The following RASSF6 variants were observed in gnomAD, a reference collection of about 807,000 sequenced individuals.
RASSF6 encodes the protein ras association domain-containing protein 6.
RASSF6 carries 52 observed loss-of-function variants against 44.0 expected under a neutral mutation model. The ratio of observed to expected loss-of-function variants is 1.18; its 90% CI spans 0.95 to 1.49. The LOEUF is 1.49. RASSF6 is among the 40% of genes most tolerant of loss of function. RASSF6 has a pLI of 0.00. For missense variants in RASSF6, 464 were observed against 393.3 expected, an observed-to-expected ratio of 1.18 and a Z score of -1.52; for synonymous variants, 162 against 124.6, an observed-to-expected ratio of 1.30 and a Z score of -2.00.
At chr4:73,585,838 TTTA>T (rs921384620) in intron 5 of RASSF6, among the ~76,000 whole-genome samples, 3 of 151,538 alleles carry the variant, frequency 2.0e-5, no homozygotes, top group African/African-American at 7.3e-5. Flanking sequence ...TTATTTTTAT[TTTA>T]TTATTATTAT....
At position 73,601,074 on chromosome 4, in the gene RASSF6, C is replaced by T. The variant is rs541139286; in HGVS notation, c.66-2356G>A. ...ATGGAGCCTTACATAATCTTATTCCCTCAGCTTCTGCTTCTGATAAAAGTA... is the reference window on the plus strand; with the variant it reads ...ATGGAGCCTTACATAATCTTATTCCTTCAGCTTCTGCTTCTGATAAAAGTA... On this transcript the variant is annotated intron_variant, in intron 2 of 10. Coordinates refer to ENST00000307439, the MANE Select transcript of RASSF6 (RefSeq NM_177532.5). 2.6e-5 allele frequency among the ~76,000 whole-genome samples: 4 copies of T among 152,332 alleles called. No individual in the cohort carries two copies. The South Asian group carries it at 8.3e-4, about 32-fold the overall frequency.
intron 4 of RASSF6, among the ~76,000 whole-genome samples, chr4:73,591,855 G>A (rs2149378846): frequency 6.6e-6 from 1 of 152,246 alleles, no homozygotes; most frequent in East Asian, 1.9e-4. Context: ...TGGGCACTGG[G>A]ATGAATAAAG....
chr4:73,619,618 G>T (rs1578075194), intron 1 of RASSF6, among the ~76,000 whole-genome samples: 1 of 152,168 alleles, frequency 6.6e-6, no homozygotes, highest in Non-Finnish European at 1.5e-5. Flanking sequence ...ACAGACAAAC[G>T]TTTGGGGCTT....
chr4:73,602,172 G>A (rs1490504344), intron 2 of RASSF6, among the ~76,000 whole-genome samples: 5 of 152,198 alleles, frequency 3.3e-5, no homozygotes, highest in East Asian at 1.9e-4. Flanking sequence ...AATGAGCCCC[G>A]TGAACCATTT....
chr4:73,586,938 G>T (rs966093932), intron 5 of RASSF6, among the ~76,000 whole-genome samples: 2 of 150,506 alleles, frequency 1.3e-5, no homozygotes, highest in Non-Finnish European at 3.0e-5. Context: ...AACAAACATT[G>T]CAAGTTGCTG....
intron 4 of RASSF6, among the ~76,000 whole-genome samples, chr4:73,592,054 G>A (rs770527269): frequency 4.6e-5 from 7 of 152,178 alleles, no homozygotes; most frequent in African/African-American, 1.2e-4. Context: ...CCTCACCTGC[G>A]TCTTAAAGGA....
intron 1 of RASSF6, among the ~76,000 whole-genome samples, chr4:73,619,843 A>T (rs1726585246): frequency 1.3e-5 from 2 of 152,210 alleles, no homozygotes; most frequent in South Asian, 4.2e-4. Flanking sequence ...AACAAATAAA[A>T]GTTGAGCTGA....
chr4:73,577,485 C>T (rs1461001082), intron 8 of RASSF6, among the ~76,000 whole-genome samples: 1 of 152,162 alleles, frequency 6.6e-6, no homozygotes, highest in Non-Finnish European at 1.5e-5. Context: ...TCTCCTTCAC[C>T]TTGCTTACTT....
intron 4 of RASSF6, among the ~76,000 whole-genome samples, chr4:73,588,927 A>G (rs945194225): frequency 3.9e-5 from 6 of 152,086 alleles, no homozygotes; most frequent in Non-Finnish European, 8.8e-5. Context: ...GAATCTCTTC[A>G]GTAATGTCTG....
At chr4:73,604,762 A>G (rs1725512031) in intron 2 of RASSF6, among the ~76,000 whole-genome samples, 1 of 152,224 alleles carries the variant, frequency 6.6e-6, no homozygotes, top group South Asian at 2.1e-4. Flanking sequence ...CAAAATATTA[A>G]AGTTAAACAT....
chr4:73,615,832 CG>C, intron 1 of RASSF6: 2 of 1,372,780 alleles, frequency 1.5e-6, no homozygotes, highest in Non-Finnish European at 2.0e-6. Context: ...AATGCTGGAA[CG>C]TGGTTCACCT....
At chr4:73,586,542 C>T (rs1326820657) in intron 5 of RASSF6, among the ~76,000 whole-genome samples, 2 of 151,796 alleles carry the variant, frequency 1.3e-5, no homozygotes, top group African/African-American at 4.8e-5. Context: ...TTTTCAATTT[C>T]CTCTCCTATG....
At chr4:73,600,962 T>C (rs1725245553) in intron 2 of RASSF6, among the ~76,000 whole-genome samples, 1 of 152,212 alleles carries the variant, frequency 6.6e-6, no homozygotes, top group Admixed American at 6.5e-5. Context: ...AATTTCACCA[T>C]AAAGAAATTT....
chr4:73,584,645 G>T (rs539715924), intron 6 of RASSF6, among the ~76,000 whole-genome samples: 1 of 152,074 alleles, frequency 6.6e-6, no homozygotes, highest in Non-Finnish European at 1.5e-5. Flanking sequence ...AAATGTTCAC[G>T]TTCAAATGTC....
At chr4:73,609,701 G>C (rs542553329) in intron 2 of RASSF6, among the ~76,000 whole-genome samples, 1 of 152,300 alleles carries the variant, frequency 6.6e-6, no homozygotes, top group East Asian at 1.9e-4. Flanking sequence ...CTAGTAAAGA[G>C]AGGGAGCTAA....
Position 73,573,044 on chromosome 4 carries a change from A to ATAAGAAT in RASSF6, c.*3184_*3190dup. On this transcript the variant is annotated 3_prime_UTR_variant, in exon 11 of 11. Coordinates refer to ENST00000307439, the MANE Select transcript of RASSF6 (RefSeq NM_177532.5). The stretch of plus-strand genomic sequence containing the variant: ...TATGTGTATATTCTTATTTAGATAT[A>ATAAGAAT]TAAGAATTTACCCCTGTAATTAAAA... 1 of 152,248 alleles carries ATAAGAAT rather than the reference A, an allele frequency of 6.6e-6. No individual in the cohort carries two copies. The highest frequency in any genetic ancestry group is 2.1e-4 in the South Asian group (1 of 4,828). 9.4% of individuals were successfully genotyped at this position (152,248 alleles called of 1,614,324 possible).
intron 8 of RASSF6, among the ~76,000 whole-genome samples, chr4:73,578,630 T>C (rs573720525): frequency 3.1e-4 from 39 of 124,826 alleles, no homozygotes; most frequent in African/African-American, 1.1e-3. Flanking sequence ...AAACAAATCA[T>C]TTTTTCTCTT....
At chr4:73,596,118 C>T (rs1292705016) in intron 3 of RASSF6, among the ~76,000 whole-genome samples, 1 of 152,146 alleles carries the variant, frequency 6.6e-6, no homozygotes, top group African/African-American at 2.4e-5. Flanking sequence ...CCACTTTGTA[C>T]AGTAGCCTGC....
intron 8 of RASSF6, among the ~76,000 whole-genome samples, chr4:73,578,268 T>G (rs993947244): frequency 6.6e-6 from 1 of 152,148 alleles, no homozygotes; most frequent in Non-Finnish European, 1.5e-5. Context: ...CAGGCTAAAG[T>G]TAGAGGTGTG....
Sources: gnomAD v4.1 joint callset for allele counts (sites outside exome capture counted in the v4.1 genomes callset) on GRCh38, gnomAD v4.1.1 for gene constraint, MANE v1.5 for transcripts, NCBI Gene and HGNC (gene_info 2026-07-23, HGNC 2026-07-21) for gene names.